Variants in CNTN5 observed in about 807,000 individuals in gnomAD.
CNTN5 encodes the protein contactin 5.
In CNTN5, 77 loss-of-function variants were observed where a neutral mutation model predicts 129.1. The ratio of observed to expected loss-of-function variants is 0.60; its 90% confidence interval spans 0.50 to 0.72. CNTN5 has a LOEUF of 0.72. CNTN5 is among the 30% of genes least tolerant of loss of function. CNTN5 has a pLI of 0.00. For missense variants in CNTN5, 1,478 were observed against 1,328.8 expected, an observed-to-expected ratio of 1.11 and a Z score of -1.75; for synonymous variants, 509 against 465.6, an observed-to-expected ratio of 1.09 and a Z score of -1.20.
chr11:99,084,845 A>G (rs1202182630), intron 1 of CNTN5, among the ~76,000 whole-genome samples: 1 of 152,170 alleles, frequency 6.6e-6, no homozygotes, highest in Non-Finnish European at 1.5e-5. Flanking sequence ...AAATATTTTC[A>G]AATTTTCTCT....
chr11:100,191,789 G>A (rs1014555571), intron 14 of CNTN5, among the ~76,000 whole-genome samples: 1 of 151,798 alleles, frequency 6.6e-6, no homozygotes, highest in Non-Finnish European at 1.5e-5. Flanking sequence ...TAATATTACT[G>A]CTTATATGTT....
intron 9 of CNTN5, among the ~76,000 whole-genome samples, chr11:100,048,149 A>G (rs1241870378): frequency 6.6e-6 from 1 of 152,092 alleles, no homozygotes; most frequent in Non-Finnish European, 1.5e-5. Flanking sequence ...AATAAAAAGA[A>G]GGTTGAATTT....
At chr11:99,702,831 A>G (rs1307693260) in intron 3 of CNTN5, among the ~76,000 whole-genome samples, 1 of 150,968 alleles carries the variant, frequency 6.6e-6, no homozygotes, top group Non-Finnish European at 1.5e-5. Flanking sequence ...TTTACTAAGG[A>G]TAAAAGTAGG....
chr11:99,898,304 G>A (rs1468811543), intron 6 of CNTN5, among the ~76,000 whole-genome samples: 1 of 151,888 alleles, frequency 6.6e-6, no homozygotes. Context: ...AAAGGAAATT[G>A]ATAGAATGCT....
chr11:99,123,490 T>C (rs1384666240), intron 1 of CNTN5, among the ~76,000 whole-genome samples: 27 of 152,044 alleles, frequency 1.8e-4, no homozygotes, highest in Admixed American at 1.8e-3. Context: ...ATTCTGTAGG[T>C]TTTCTGTTTG....
chr11:99,099,222 C>G (rs1358942898), intron 1 of CNTN5, among the ~76,000 whole-genome samples: 2 of 151,856 alleles, frequency 1.3e-5, no homozygotes, highest in African/African-American at 2.4e-5. Flanking sequence ...AAATAATGTC[C>G]ACTGTTAATA....
At chr11:99,334,174 G>C (rs1866123311) in intron 2 of CNTN5, among the ~76,000 whole-genome samples, 1 of 151,992 alleles carries the variant, frequency 6.6e-6, no homozygotes, top group Non-Finnish European at 1.5e-5. Context: ...AGGCATCTTT[G>C]AAAGCAATTC....
intron 13 of CNTN5, among the ~76,000 whole-genome samples, chr11:100,183,811 C>T (rs1948212648): frequency 6.6e-6 from 1 of 152,110 alleles, no homozygotes; most frequent in Non-Finnish European, 1.5e-5. Flanking sequence ...ATGTTAATAG[C>T]TTCCCATTGC....
In CNTN5 at chr11:99,967,615, G is replaced by A. The variant is rs1422684263; in HGVS notation, c.877+10606G>A. ...ATGAGTAATACAGATGTTTATTAATGTCTTGGAGGGTAATGTATGAGGCGC... is the reference window on the plus strand; with the variant it reads ...ATGAGTAATACAGATGTTTATTAATATCTTGGAGGGTAATGTATGAGGCGC... On this transcript the variant is annotated intron_variant, in intron 8 of 24. Transcript: ENST00000524871. Among the ~76,000 whole-genome samples the A allele has an allele frequency of 3.3e-5, 5 of 152,232 alleles. No individual in the cohort carries two copies. In the East Asian group the frequency reaches 9.7e-4, roughly 29 times the overall value.
chr11:99,216,913 G>A (rs184840588), intron 1 of CNTN5, among the ~76,000 whole-genome samples: 190 of 152,136 alleles, frequency 1.2e-3, no homozygotes, highest in African/African-American at 4.2e-3. Flanking sequence ...GGCCAGGCGC[G>A]GTGACTCATG....
chr11:100,090,503 C>T (rs1944724655), intron 13 of CNTN5, among the ~76,000 whole-genome samples: 1 of 53,208 alleles, frequency 1.9e-5, no homozygotes, highest in Non-Finnish European at 3.5e-5. Context: ...TCCTCCTTTC[C>T]TCCCTCCCTC....
At chr11:100,034,279 C>G (rs780147544) in intron 9 of CNTN5, among the ~76,000 whole-genome samples, 1 of 152,186 alleles carries the variant, frequency 6.6e-6, no homozygotes, top group Admixed American at 6.5e-5. Flanking sequence ...GGGTCTGGCC[C>G]ATGGTAGAAG....
At chr11:99,212,153 G>A (rs1859834868) in intron 1 of CNTN5, among the ~76,000 whole-genome samples, 1 of 152,084 alleles carries the variant, frequency 6.6e-6, no homozygotes, top group Non-Finnish European at 1.5e-5. Context: ...TGCTTGCCAG[G>A]GCTGGGATAT....
intron 1 of CNTN5, among the ~76,000 whole-genome samples, chr11:99,151,163 G>A (rs1206774510): frequency 1.3e-5 from 2 of 151,994 alleles, no homozygotes; most frequent in Admixed American, 6.6e-5. Context: ...GCCTTTAGTT[G>A]AATGTTTTAT....
rs148829708 is a variant in CNTN5, at chr11:99,914,482, A to G, written c.578-1572A>G. ...TATTATCTCATACATATGAAATTCA[A>G]AAAGAGACAAGCATAATATTTGGTA... On this transcript the variant is annotated intron_variant, in intron 6 of 24. Coordinates refer to ENST00000524871, the MANE Select transcript of CNTN5 (RefSeq NM_014361.4). 2.7e-3 allele frequency among the ~76,000 whole-genome samples: 404 copies of G among 152,278 alleles called. 1 individual carries two copies. Among genetic ancestry groups the G allele is most frequent in the Middle Eastern group, 3.4e-3 (1 of 294 alleles).
chr11:99,662,987 T>C (rs1314235849), intron 3 of CNTN5, among the ~76,000 whole-genome samples: 1 of 152,178 alleles, frequency 6.6e-6, no homozygotes, highest in African/African-American at 2.4e-5. Flanking sequence ...TAACAAAATA[T>C]TTTATAAAAC....
chr11:100,003,591 A>G (rs879391276), intron 9 of CNTN5, among the ~76,000 whole-genome samples: 7 of 152,176 alleles, frequency 4.6e-5, no homozygotes, highest in African/African-American at 1.4e-4. Context: ...ATAGGAAAAA[A>G]CCAATATAAA....
chr11:99,611,846 A>C (rs1056049769), intron 3 of CNTN5, among the ~76,000 whole-genome samples: 9 of 152,182 alleles, frequency 5.9e-5, no homozygotes, highest in Admixed American at 3.3e-4. Context: ...CTTTTGGATA[A>C]CTTTAAGAAA....
intron 23 of CNTN5, among the ~76,000 whole-genome samples, chr11:100,349,739 C>T (rs1952362795): frequency 6.6e-6 from 1 of 151,750 alleles, no homozygotes; most frequent in Non-Finnish European, 1.5e-5. Flanking sequence ...AATAAAAACA[C>T]ATTTAAACAC....
Sources: allele counts gnomAD v4.1 joint callset (sites outside exome capture counted in the v4.1 genomes callset), GRCh38; gene constraint gnomAD v4.1.1; transcripts MANE v1.5; gene names NCBI Gene and HGNC (gene_info 2026-07-23, HGNC 2026-07-21).